Variants in PSMD1 observed in about 807,000 individuals in gnomAD.
The protein encoded by PSMD1 is 26S proteasome non-ATPase regulatory subunit 1.
In PSMD1, 18 loss-of-function variants were observed where a neutral mutation model predicts 119.0. The observed-to-expected ratio is 0.15, with a 90% CI of 0.10 to 0.22. The LOEUF is 0.22. PSMD1 is among the 10% of genes least tolerant of loss of function. PSMD1 has a pLI of 1.00. For synonymous variants in PSMD1, 374 were observed against 396.6 expected, an observed-to-expected ratio of 0.94 and a Z score of 0.68; for missense variants, 702 against 1,158.5, an observed-to-expected ratio of 0.61 and a Z score of 5.72.
chr2:231,169,437 A>T (rs1165136921), intron 23 of PSMD1, among the ~76,000 whole-genome samples: 1 of 152,156 alleles, frequency 6.6e-6, no homozygotes, highest in Non-Finnish European at 1.5e-5. Flanking sequence ...GTCCATTCAT[A>T]AAATGGATCC....
In PSMD1 at chr2:231,091,903, C is replaced by T. The variant is rs185762364; in HGVS notation, c.1883+4722C>T. Among the ~76,000 whole-genome samples, 52 of 152,248 alleles carry T rather than the reference C, an allele frequency of 3.4e-4. 1 individual carries two copies. The East Asian group carries it at 9.4e-3, about 28-fold the overall frequency. On this transcript the variant is annotated intron_variant, in intron 16 of 24. Transcript: ENST00000308696. ...CTCCCAGTCACAGTTTAAGTGCTGT[C>T]GGAATGCCAGCGCATCTTGCTGCTC...
intron 16 of PSMD1, among the ~76,000 whole-genome samples, chr2:231,094,386 T>C (rs1694675823): frequency 6.6e-6 from 1 of 152,104 alleles, no homozygotes; most frequent in Admixed American, 6.6e-5. Flanking sequence ...AGCTGTGGGC[T>C]CCAATATGTG....
intron 16 of PSMD1, among the ~76,000 whole-genome samples, chr2:231,091,982 G>GAA (rs2125183502): frequency 6.6e-6 from 1 of 152,256 alleles, no homozygotes; most frequent in African/African-American, 2.4e-5. Flanking sequence ...AGAATCTTTT[G>GAA]ATCTGTACCC....
chr2:231,164,211 C>T lies in PSMD1; in HGVS notation c.2481+484C>T, dbSNP rs189153812. Among the ~76,000 whole-genome samples, 6 of 152,244 alleles carry T rather than the reference C, an allele frequency of 3.9e-5. No homozygotes were observed. In the East Asian group the frequency reaches 1.2e-3, roughly 29 times the overall value. ...GAGCCTGGAATTGAAAGTCTTTATA[C>T]ACATGTATTTGTGCACTGTGTGAGT... On this transcript the variant is annotated intron_variant, in intron 21 of 24. Transcript: ENST00000308696.
intron 16 of PSMD1, among the ~76,000 whole-genome samples, chr2:231,126,919 T>C (rs1045134771): frequency 6.6e-6 from 1 of 152,026 alleles, no homozygotes. Flanking sequence ...AAAAGGATAG[T>C]TGAGTCTCAG....
At chr2:231,116,765 T>G (rs1227456663) in intron 16 of PSMD1, among the ~76,000 whole-genome samples, 1 of 152,148 alleles carries the variant, frequency 6.6e-6, no homozygotes, top group Non-Finnish European at 1.5e-5. Context: ...TAGTGCTTTA[T>G]TGTTAACAGA....
rs1425773644 is a variant in PSMD1 at position 231,172,657 on chromosome 2, C to G, written c.*132C>G. 2.0e-5 allele frequency: 3 copies of G among 152,138 alleles called. No individual in the cohort carries two copies. The highest frequency in any genetic ancestry group is 7.2e-5 in the African/African-American group (3 of 41,412). The allele number at this position is 152,138 out of a possible 1,614,324, so 9.4% of individuals were successfully genotyped here. On this transcript the variant is annotated 3_prime_UTR_variant, in exon 25 of 25. Coordinates refer to ENST00000308696, the MANE Select transcript of PSMD1 (RefSeq NM_002807.4). ...TTGCCTCTGCACTGACCTGAAGAAC[C>G]CTGTCTCCAAGTCTTTGGTTGAAGA... is the stretch of plus-strand genomic sequence containing the variant.
intron 17 of PSMD1, among the ~76,000 whole-genome samples, chr2:231,142,214 TTTTAA>T (rs1314265319): frequency 1.3e-5 from 2 of 152,162 alleles, no homozygotes; most frequent in African/African-American, 2.4e-5. Context: ...TTTACTTATG[TTTTAA>T]TTTATTTGGG....
At chr2:231,143,985 TTTTG>T (rs1468091538) in intron 17 of PSMD1, among the ~76,000 whole-genome samples, 2 of 152,344 alleles carry the variant, frequency 1.3e-5, no homozygotes, top group South Asian at 2.1e-4. Context: ...ATTTTGGGTT[TTTTG>T]TTTGTTTATT....
At chr2:231,073,410 C>T (rs1290154946) in intron 7 of PSMD1, among the ~76,000 whole-genome samples, 1 of 152,148 alleles carries the variant, frequency 6.6e-6, no homozygotes, top group African/African-American at 2.4e-5. Context: ...TATATCACTA[C>T]CTCTTTCCTT....
intron 11 of PSMD1, 55 bp from the exon 12 acceptor site, chr2:231,080,086 C>A: frequency 6.8e-7 from 1 of 1,472,100 alleles, no homozygotes; most frequent in Non-Finnish European, 9.2e-7. Context: ...AAAACATTGT[C>A]TTTTTTCTTC....
At chr2:231,162,701 T>C (rs1383601458) in intron 20 of PSMD1, among the ~76,000 whole-genome samples, 1 of 151,792 alleles carries the variant, frequency 6.6e-6, no homozygotes, top group East Asian at 1.9e-4. Context: ...GTTGTGCACA[T>C]CTGTAGTCCC....
At chr2:231,066,181 T>C (rs1693907611) in intron 4 of PSMD1, among the ~76,000 whole-genome samples, 1 of 152,238 alleles carries the variant, frequency 6.6e-6, no homozygotes, top group African/African-American at 2.4e-5. Context: ...ATTACTGTCA[T>C]TAAGCGACAC....
intron 17 of PSMD1, among the ~76,000 whole-genome samples, chr2:231,140,193 A>G (rs1696071835): frequency 6.6e-6 from 1 of 152,104 alleles, no homozygotes; most frequent in East Asian, 1.9e-4. Context: ...TTTTTTTCCA[A>G]TAAAGAATAT....
At chr2:231,171,023 A>G (rs1011076788) in intron 24 of PSMD1, among the ~76,000 whole-genome samples, 1 of 152,192 alleles carries the variant, frequency 6.6e-6, no homozygotes, top group African/African-American at 2.4e-5. Flanking sequence ...CGCTTCTTTC[A>G]TCAAGAAAGT....
chr2:231,154,054 A>G (rs1696427245), intron 19 of PSMD1, among the ~76,000 whole-genome samples: 1 of 152,116 alleles, frequency 6.6e-6, no homozygotes, highest in Non-Finnish European at 1.5e-5. Flanking sequence ...TGGAGGTTGC[A>G]GTGAGTCGAG....
chr2:231,134,522 A>ATCTTTCT (rs1695926218), intron 16 of PSMD1, among the ~76,000 whole-genome samples: 1 of 152,254 alleles, frequency 6.6e-6, no homozygotes, highest in Non-Finnish European at 1.5e-5. Context: ...CTTAAGAAAG[A>ATCTTTCT]TAGAGAGGGT....
chr2:231,097,138 C>T (rs368704245), intron 16 of PSMD1, among the ~76,000 whole-genome samples: 3 of 152,146 alleles, frequency 2.0e-5, no homozygotes, highest in African/African-American at 7.2e-5. Context: ...AAAGAAGAAG[C>T]TTCTCTGGAT....
In PSMD1 at chr2:231,082,791, A is replaced by G; in HGVS notation, c.1414-92A>G. 4 of 927,054 alleles carry G rather than the reference A, an allele frequency of 4.3e-6. No individual in the cohort carries two copies. The South Asian group carries it at 4.6e-5, about 11-fold the overall frequency. The allele number at this position is 927,054 out of a possible 1,614,324, so 57.4% of individuals were successfully genotyped here. ...ATTCTTACTGAGCCAACCTCTGCAT[A>G]TTTAATGTGAAACTGTATTTTGAAA... On this transcript the variant is annotated intron_variant, in intron 12 of 24. Transcript: ENST00000308696.
Sources: gnomAD v4.1 joint callset for allele counts (sites outside exome capture counted in the v4.1 genomes callset) on GRCh38, gnomAD v4.1.1 for gene constraint, MANE v1.5 for transcripts, NCBI Gene and HGNC (gene_info 2026-07-23, HGNC 2026-07-21) for gene names.